LAMA3: variants seen among roughly 807,000 people sequenced by gnomAD.
The protein encoded by LAMA3 is laminin subunit alpha-3.
Under a neutral mutation model 402.0 loss-of-function variants are expected in LAMA3, and 281 were observed. The ratio of observed to expected loss-of-function variants is 0.70; its 90% confidence interval spans 0.63 to 0.77. The LOEUF is 0.77. LAMA3 is among the 30% of genes least tolerant of loss of function. LAMA3 has a pLI of 0.00. For synonymous variants in LAMA3, 1,431 were observed against 1,558.4 expected (o/e 0.92, Z 1.93); for missense variants, 3,840 against 4,215.5 (o/e 0.91, Z 2.47).
intron 2 of LAMA3, among the ~76,000 whole-genome samples, chr18:23,719,646 A>G (rs547318520): frequency 6.6e-6 from 1 of 152,088 alleles, no homozygotes; most frequent in South Asian, 2.1e-4. Context: ...GAGTGAATTC[A>G]GTATGTAGTT....
intron 12 of LAMA3, among the ~76,000 whole-genome samples, chr18:23,793,499 G>C (rs543239350): frequency 5.3e-5 from 8 of 151,852 alleles, no homozygotes; most frequent in African/African-American, 1.9e-4. Flanking sequence ...GGGGGACAAG[G>C]GAATGGCAGG....
chr18:23,767,375 G>A (rs1444694598), intron 8 of LAMA3, among the ~76,000 whole-genome samples: 2 of 151,728 alleles, frequency 1.3e-5, no homozygotes, highest in Non-Finnish European at 2.9e-5. Context: ...CTAAAATTCA[G>A]AAGAAACCAA....
chr18:23,745,192 T>G (rs1478698588), intron 2 of LAMA3, among the ~76,000 whole-genome samples: 1 of 151,972 alleles, frequency 6.6e-6, no homozygotes, highest in Non-Finnish European at 1.5e-5. Context: ...TGTGTGTGTG[T>G]GTGTGTAGAG....
At chr18:23,807,664 C>T (rs187082331) in intron 12 of LAMA3, among the ~76,000 whole-genome samples, 5 of 152,276 alleles carry the variant, frequency 3.3e-5, no homozygotes, top group Non-Finnish European at 4.4e-5. Context: ...AGAATTCCTT[C>T]TTCCTTGGTG....
chr18:23,704,083 G>A (rs944243410), intron 1 of LAMA3, among the ~76,000 whole-genome samples: 1 of 152,288 alleles, frequency 6.6e-6, no homozygotes, highest in South Asian at 2.1e-4. Context: ...GCAGAGGTTC[G>A]TGGAAACATG....
At chr18:23,883,076 T>C (rs1343255892) in intron 40 of LAMA3, among the ~76,000 whole-genome samples, 1 of 152,118 alleles carries the variant, frequency 6.6e-6, no homozygotes, top group Non-Finnish European at 1.5e-5. Flanking sequence ...GACAATGTGT[T>C]CAAGGGCAGT....
chr18:23,917,666 T>G (rs2081684557), intron 60 of LAMA3, among the ~76,000 whole-genome samples: 1 of 152,212 alleles, frequency 6.6e-6, no homozygotes, highest in Non-Finnish European at 1.5e-5. Context: ...ATATGTCTTC[T>G]GAAAAGTCTG....
chr18:23,706,436 T>A (rs1372051407), intron 1 of LAMA3, among the ~76,000 whole-genome samples: 1 of 152,222 alleles, frequency 6.6e-6, no homozygotes, highest in Non-Finnish European at 1.5e-5. Context: ...TTTATACTCC[T>A]ACTATGTCTT....
chr18:23,800,904 C>T (rs534794942), intron 12 of LAMA3, among the ~76,000 whole-genome samples: 55 of 152,178 alleles, frequency 3.6e-4, no homozygotes, highest in African/African-American at 9.9e-4. Context: ...TGTATATATA[C>T]CTCGTTTTCT....
At chr18:23,859,003 T>C (rs996231545) in intron 34 of LAMA3, among the ~76,000 whole-genome samples, 174 bp downstream of exon 34, 1 of 152,222 alleles carries the variant, frequency 6.6e-6, no homozygotes, top group Non-Finnish European at 1.5e-5. Context: ...CCACTTCCTA[T>C]AAAATAGCAC....
At chr18:23,727,321 GA>G (rs2061316755) in intron 2 of LAMA3, among the ~76,000 whole-genome samples, 1 of 152,022 alleles carries the variant, frequency 6.6e-6, no homozygotes, top group Non-Finnish European at 1.5e-5. Context: ...TTGATTGATT[GA>G]TTGATTGATT....
Position 23,903,125 on chromosome 18 carries a change from G to A in LAMA3, c.6318G>A (p.Lys2106=). ...IALQLMEKSQ[K]EYEKLAASLN... ...TGCAGCTGATGGAGAAAAGCCAGAA[G>A]GTAGAGGAAATAGTTGTTCTCTAGA... Residue 2106 remains lysine, a splice_region_variant and synonymous_variant, in exon 49 of 75, where the codon AAG becomes AAA. Coordinates refer to ENST00000313654, the MANE Select transcript of LAMA3 (RefSeq NM_198129.4). The A allele has an allele frequency of 6.4e-7, 1 of 1,573,932 alleles. No individual in the cohort carries two copies. Among genetic ancestry groups the A allele is most frequent in the South Asian group, 1.1e-5 (1 of 90,226 alleles).
In LAMA3 at chr18:23,895,004, C is replaced by T. The variant is rs566665693; in HGVS notation, c.5559C>T (p.Ser1853=). 5 of 1,612,770 alleles carry T rather than the reference C, an allele frequency of 3.1e-6. No homozygotes were observed. The highest frequency in any genetic ancestry group is 4.2e-6 in the Non-Finnish European group (5 of 1,179,422). Residue 1853 remains serine, a synonymous_variant, in exon 44 of 75, where the codon AGC becomes AGT. Coordinates refer to ENST00000313654, the MANE Select transcript of LAMA3 (RefSeq NM_198129.4). ...VKSQLQGLSA[S]AGLLEQMRHM... is the part of the protein sequence containing the mutation. ...CTCAGCTGCAGGGCCTGAGTGCCAG[C>T]GCAGGGCTTCTGGAGCAGATGAGGC... is the stretch of plus-strand genomic sequence containing the variant.
intron 2 of LAMA3, among the ~76,000 whole-genome samples, chr18:23,718,226 C>T (rs2061144611): frequency 6.6e-6 from 1 of 152,072 alleles, no homozygotes; most frequent in South Asian, 2.1e-4. Flanking sequence ...CATATACACT[C>T]TGGACTTCCT....
chr18:23,772,951 G>A (rs1007917383), intron 8 of LAMA3, among the ~76,000 whole-genome samples: 15 of 152,190 alleles, frequency 9.9e-5, no homozygotes, highest in Admixed American at 3.9e-4. Flanking sequence ...AATGAGCTCC[G>A]TGTATGAGAC....
rs766064558 is a variant in LAMA3, at chr18:23,774,941, C to T, written c.1274-851C>T. On this transcript the variant is annotated intron_variant, in intron 9 of 74. Coordinates refer to ENST00000313654, the MANE Select transcript of LAMA3 (RefSeq NM_198129.4). ...ACAGGACATTGCCAATGTAATTGTA[C>T]CTCATTAGGAGCCTCACTGTTTCAT... Among the ~76,000 whole-genome samples, 73 of 152,302 alleles carry T rather than the reference C, an allele frequency of 4.8e-4. 1 individual carries two copies. Among genetic ancestry groups the T allele is most frequent in the Middle Eastern group, 3.4e-3 (1 of 294 alleles).
At chr18:23,919,927 ATGT>A (rs1462807027) in intron 60 of LAMA3, among the ~76,000 whole-genome samples, 3 of 152,168 alleles carry the variant, frequency 2.0e-5, no homozygotes, top group African/African-American at 4.8e-5. Flanking sequence ...CTGGCTAAAA[ATGT>A]TGTGGCTGAG....
At chr18:23,729,822 G>A (rs1404102155) in intron 2 of LAMA3, among the ~76,000 whole-genome samples, 1 of 152,220 alleles carries the variant, frequency 6.6e-6, no homozygotes, top group Non-Finnish European at 1.5e-5. Flanking sequence ...CCCGGGATTT[G>A]CTCCCCCAAG....
chr18:23,837,570 G>GATAGATATATATATATAT (rs368371253), intron 25 of LAMA3, among the ~76,000 whole-genome samples: 19 of 83,294 alleles, frequency 2.3e-4, no homozygotes, highest in African/African-American at 8.5e-4. Context: ...CAGTTAATCA[G>GATAGATATATATATATAT]ATATATATAT....
Sources: gnomAD v4.1 joint callset for allele counts (sites outside exome capture counted in the v4.1 genomes callset) on GRCh38, gnomAD v4.1.1 for gene constraint, MANE v1.5 for transcripts, NCBI Gene and HGNC (gene_info 2026-07-23, HGNC 2026-07-21) for gene names.